The following IFI16 variants were observed in gnomAD, a reference collection of about 807,000 sequenced individuals.
IFI16 encodes interferon gamma inducible protein 16, also known as gamma-interferon-inducible protein 16.
Under a neutral mutation model 68.4 loss-of-function variants are expected in IFI16, and 49 were observed. The observed-to-expected ratio is 0.72, with a 90% CI of 0.57 to 0.91. The LOEUF (loss-of-function observed/expected upper bound fraction) is 0.91, where lower values mean the gene tolerates loss of function less well. IFI16 is among the 40% of genes least tolerant of loss of function. The pLI is 0.00. For missense variants in IFI16, 878 were observed against 942.9 expected (o/e 0.93, Z 0.90); for synonymous variants, 307 against 315.0 (o/e 0.97, Z 0.27).
chr1:159,016,186 A>G (rs1652912224), intron 3 of IFI16, among the ~76,000 whole-genome samples, 199 bp downstream of exon 3: 1 of 152,258 alleles, frequency 6.6e-6, no homozygotes, highest in Non-Finnish European at 1.5e-5. Flanking sequence ...TAATGTAAAT[A>G]TATATAACAT....
At position 159,018,240 on chromosome 1, in the gene IFI16, A is replaced by C. The variant is rs1653060007; in HGVS notation, c.561A>C (p.Thr187=). ...GCTATCATACACAGAACCCGAAAAC[A>C]GTGGCCAAATGTCAGGTAACTCCCA... is the stretch of plus-strand genomic sequence containing the variant. The part of the protein sequence containing the change: ...PNSSSTENPK[T]VAKCQVTPRR... The change falls in exon 5 of 12, where the codon ACA becomes ACC. Residue 187 remains threonine, a synonymous_variant. Coordinates refer to ENST00000295809, the MANE Select transcript of IFI16 (RefSeq NM_001376587.1). 6.2e-7 allele frequency: 1 copy of C among 1,613,252 alleles called. No homozygotes were observed.
At chr1:159,049,969 A>C (rs970529819) in intron 9 of IFI16, among the ~76,000 whole-genome samples, 3 of 152,204 alleles carry the variant, frequency 2.0e-5, no homozygotes, top group African/African-American at 7.2e-5. Flanking sequence ...AACTCAAACA[A>C]TATGTTTAAA....
chr1:159,018,225 A>C lies in IFI16; in HGVS notation c.550-4A>C, dbSNP rs765867619. The C allele has an allele frequency of 5.6e-6, 9 of 1,612,272 alleles. No individual in the cohort carries two copies. The highest frequency in any genetic ancestry group is 7.6e-6 in the Non-Finnish European group (9 of 1,179,118). ...TCTTTGTTCTCCTGTGCTATCATAC[A>C]CAGAACCCGAAAACAGTGGCCAAAT... On this transcript the variant is annotated splice_polypyrimidine_tract_variant and splice_region_variant and intron_variant, in intron 4 of 11. Coordinates refer to ENST00000295809, the MANE Select transcript of IFI16 (RefSeq NM_001376587.1).
chr1:159,045,488 C>T lies in IFI16; in HGVS notation c.1497+24C>T, dbSNP rs778339263. 1.1e-5 allele frequency: 18 copies of T among 1,606,690 alleles called. No homozygotes were observed. In the Admixed American group the frequency reaches 3.0e-4, roughly 27 times the overall value. ...CGGTACAAGTTCCCTCTTCCCAATA[C>T]ATTCCCCTCACTACAATGTAATGAC... On this transcript the variant is annotated intron_variant, in intron 8 of 11. Transcript: ENST00000295809.
chr1:159,039,565 A>T (rs571131116), intron 7 of IFI16, among the ~76,000 whole-genome samples: 2 of 152,132 alleles, frequency 1.3e-5, no homozygotes, highest in East Asian at 3.9e-4. Flanking sequence ...ACTGGTCTTG[A>T]ACTCCTCACC....
intron 7 of IFI16, among the ~76,000 whole-genome samples, chr1:159,042,045 A>C (rs1333302704): frequency 6.6e-6 from 1 of 151,364 alleles, no homozygotes; most frequent in Non-Finnish European, 1.5e-5. Flanking sequence ...CTGCACCTAA[A>C]CCTCCCTTAG....
rs143373715 is a variant in IFI16, at chr1:159,051,946, T to C, written c.1933T>C (p.Tyr645His). Residue 645 changes from tyrosine (Y) to histidine (H), a missense_variant, in exon 10 of 12, where the codon TAT (tyrosine) becomes CAT (histidine). By Grantham distance (83) the Tyr-to-His change is moderately conservative (BLOSUM62 2). Around this residue, in one of 4 missense-constraint regions of IFI16, gnomAD observed 311 missense variants for 305.1 expected, o/e 1.02. Coordinates refer to ENST00000295809, the MANE Select transcript of IFI16 (RefSeq NM_001376587.1). ...YVCRNGFLEV[Y>H]PFTLVADVNA... The stretch of plus-strand genomic sequence containing the variant: ...TTGCCGCAATGGGTTCCTGGAGGTA[T>C]ATCCTTTCACACTTGTGGCTGATGT... The C allele has an allele frequency of 3.7e-6, 6 of 1,614,026 alleles. No individual in the cohort carries two copies. Among genetic ancestry groups the C allele is most frequent in the Non-Finnish European group, 5.1e-6 (6 of 1,179,992 alleles).
Position 159,055,097 on chromosome 1 carries a change from C to T in IFI16, c.*196C>T. 2.6e-6 allele frequency: 1 copy of T among 390,454 alleles called. No homozygotes were observed. The highest frequency in any genetic ancestry group is 4.7e-6 in the Non-Finnish European group (1 of 214,390). 24.2% of individuals were successfully genotyped at this position (390,454 alleles called of 1,614,324 possible). On this transcript the variant is annotated 3_prime_UTR_variant, in exon 12 of 12. Coordinates refer to ENST00000295809, the MANE Select transcript of IFI16 (RefSeq NM_001376587.1). ...TTTTTTAATAAAATGGCATATTTTG[C>T]ATCTACAACTTCTATAATTTGAAAA...
chr1:159,003,686 G>C (rs1652144277), upstream of IFI16, among the ~76,000 whole-genome samples: 2 of 151,812 alleles, frequency 1.3e-5, no homozygotes, highest in Non-Finnish European at 2.9e-5. Flanking sequence ...TTTGAGACGG[G>C]GTCTCGCTTT....
chr1:159,010,257 A>G (rs149029685), intron 1 of IFI16, 96 bp downstream of exon 1: 1 of 152,338 alleles, frequency 6.6e-6, no homozygotes, highest in East Asian at 1.9e-4. Flanking sequence ...ATTCAGGGTC[A>G]TGGGATGATG....
chr1:159,043,575 T>C (rs1357622906), intron 7 of IFI16, among the ~76,000 whole-genome samples: 1 of 152,214 alleles, frequency 6.6e-6, no homozygotes, highest in Admixed American at 6.6e-5. Flanking sequence ...CCGGGAATCC[T>C]TGCTCTTATA....
chr1:159,022,310 C>T (rs1215012872), intron 6 of IFI16, among the ~76,000 whole-genome samples: 1 of 152,134 alleles, frequency 6.6e-6, no homozygotes, highest in Non-Finnish European at 1.5e-5. Flanking sequence ...AATGCTTGTT[C>T]CCTGGTGCCA....
In IFI16 at chr1:159,014,869, C is replaced by G. The variant is rs139529467; in HGVS notation, c.189C>G (p.Gly63=). ...AGTTCCGAGGTGATGCTGGTTTGGG[C>G]AAACTAATAAAAATTTTCGAAGATA... ...EEKFRGDAGL[G]KLIKIFEDIP... The change falls in exon 2 of 12, where the codon GGC becomes GGG. Residue 63 remains glycine, a synonymous_variant. Transcript: ENST00000295809. The G allele has an allele frequency of 3.4e-4, 549 of 1,613,866 alleles. 1 individual carries two copies. In the African/African-American group the frequency reaches 5.9e-3, roughly 17 times the overall value.
At position 159,054,033 on chromosome 1, in the gene IFI16, C is replaced by T. The variant is rs549267650; in HGVS notation, c.2277+309C>T. Among the ~76,000 whole-genome samples the T allele has an allele frequency of 4.6e-5, 7 of 151,696 alleles. No individual in the cohort carries two copies. In the East Asian group the frequency reaches 1.3e-3, roughly 29 times the overall value. On this transcript the variant is annotated intron_variant, in intron 11 of 11. Coordinates refer to ENST00000295809, the MANE Select transcript of IFI16 (RefSeq NM_001376587.1). ...TTTGGTTAAGGCACATTTGTTTCAA[C>T]TAGCTGGTTCTGTGACTTTCTAGTT...
Position 159,032,652 on chromosome 1 carries a change from G to T in IFI16, c.1290G>T (p.Gln430His). Residue 430 changes from glutamine (Q) to histidine (H), a missense_variant, in exon 7 of 12, where the codon CAG (glutamine) becomes CAT (histidine). Physicochemically the swap from Gln to His is conservative, Grantham distance 24. This residue lies in a region of IFI16 where 443 missense variants were observed against 421.8 expected (regional missense o/e 1.05). Transcript: ENST00000295809. ...CTGAGAGCCATCTTCGGACTCCTCA[G>T]ATGCCACCAACAACTCCATCCAGCA... ...TFPESHLRTP[Q>H]MPPTTPSSSF... 6.2e-7 allele frequency: 1 copy of T among 1,607,568 alleles called. No individual in the cohort carries two copies. The highest frequency in any genetic ancestry group is 1.3e-5 in the African/African-American group (1 of 74,676).
chr1:159,033,479 T>C (rs1654130797), intron 7 of IFI16, among the ~76,000 whole-genome samples: 1 of 152,222 alleles, frequency 6.6e-6, no homozygotes, highest in East Asian at 1.9e-4. Context: ...TTTTGAGCAC[T>C]TAACTAGACG....
At chr1:159,031,830 T>C (rs1303750975) in intron 6 of IFI16, among the ~76,000 whole-genome samples, 3 of 152,170 alleles carry the variant, frequency 2.0e-5, no homozygotes, top group Non-Finnish European at 2.9e-5. Flanking sequence ...GATATAAAAC[T>C]CGTGGTAAAT....
At chr1:159,045,663 C>T (rs1203408264) in intron 8 of IFI16, among the ~76,000 whole-genome samples, 199 bp downstream of exon 8, 1 of 151,292 alleles carries the variant, frequency 6.6e-6, no homozygotes, top group African/African-American at 2.4e-5. Context: ...TATTCCATAG[C>T]AGGTATAATT....
chr1:159,015,637 G>A (rs982377067), intron 2 of IFI16: 2 of 470,152 alleles, frequency 4.3e-6, no homozygotes, highest in Non-Finnish European at 7.7e-6. Context: ...TCAGTGCACA[G>A]GGGAGGAGTG....
Sources: gnomAD v4.1 joint callset for allele counts (sites outside exome capture counted in the v4.1 genomes callset) on GRCh38, gnomAD v4.1.1 for gene constraint, gnomAD v4.1.1 regional missense constraint, MANE v1.5 for transcripts, NCBI Gene and HGNC (gene_info 2026-07-23, HGNC 2026-07-21) for gene names.